MYH1: variants seen among roughly 807,000 people sequenced by gnomAD.
MYH1 encodes myosin heavy chain 1, also known as myosin-1.
A neutral mutation model predicts 225.6 loss-of-function variants in MYH1; 214 were observed. The ratio of observed to expected loss-of-function variants is 0.95; its 90% CI spans 0.85 to 1.06. The LOEUF is 1.06. MYH1 is among the 50% of genes least tolerant of loss of function. The probability of loss-of-function intolerance (pLI) is 0.00; values close to 1 mark genes in which losing one functional copy is unlikely to be tolerated. For missense variants in MYH1, 2,098 were observed against 2,344.2 expected (o/e 0.89, Z 2.17); for synonymous variants, 774 against 842.3 (o/e 0.92, Z 1.40).
At chr17:10,505,748 C>T in intron 19 of MYH1, 64 bp downstream of exon 19, 1 of 1,594,372 alleles carries the variant, frequency 6.3e-7, no homozygotes, top group Non-Finnish European at 8.6e-7. Flanking sequence ...AGGATTCTTT[C>T]ATTGAAAAAT....
At chr17:10,508,007 T>G (rs757821952) in intron 16 of MYH1, 51 bp from the exon 17 acceptor site, 179 of 1,413,042 alleles carry the variant, frequency 1.3e-4, no homozygotes, top group East Asian at 7.1e-4. Flanking sequence ...TGGTTATGGT[T>G]TTTTTTTTTT....
In MYH1 at chr17:10,494,413, C is replaced by T. The variant is rs1262966974; in HGVS notation, c.5608G>A (p.Asp1870Asn). Reference sequence around the variant, plus strand: ...TTTGCTTGCAGTTTGTCCACCAGGTCCTGGAGCCTGAGAATATTCTTGCGG... The same window carrying T: ...TTTGCTTGCAGTTTGTCCACCAGGTTCTGGAGCCTGAGAATATTCTTGCGG... The part of the protein sequence containing the change: ...EDRKNILRLQ[D>N]LVDKLQAKVK... The change falls in exon 39 of 40, where the codon GAC becomes AAC. Residue 1870 changes from aspartate to asparagine, a missense_variant. Coordinates refer to ENST00000226207, the MANE Select transcript of MYH1 (RefSeq NM_005963.4). 6.8e-6 allele frequency: 11 copies of T among 1,614,024 alleles called. No homozygotes were observed. The South Asian group carries it at 1.1e-4, about 16-fold the overall frequency.
chr17:10,512,786 T>C lies in MYH1; in HGVS notation c.905-2A>G, dbSNP rs373496953. On this transcript the variant is annotated splice_acceptor_variant, in intron 10 of 39. Transcript: ENST00000226207. LOFTEE classifies it high-confidence loss of function. ...GGTTGGTGGTGATCAGGAGCATTTCTGGGTCACAGAATTCAGGGCATATGT... is the reference window on the plus strand; with the variant it reads ...GGTTGGTGGTGATCAGGAGCATTTCCGGGTCACAGAATTCAGGGCATATGT... The C allele has an allele frequency of 6.2e-6, 10 of 1,613,694 alleles. No homozygotes were observed. The highest frequency in any genetic ancestry group is 8.5e-6 in the Non-Finnish European group (10 of 1,179,704).
chr17:10,508,005 G>GTTTTTTTTTTTTTTTTTTTT, intron 16 of MYH1, 49 bp from the exon 17 acceptor site: 1 of 1,100,606 alleles, frequency 9.1e-7, no homozygotes, highest in Non-Finnish European at 1.3e-6. Flanking sequence ...TCTGGTTATG[G>GTTTTTTTTTTTTTTTTTTTT]TTTTTTTTTT....
rs1348174597 is a variant in MYH1, at chr17:10,506,081, T to G, written c.1987A>C (p.Met663Leu). The G allele has an allele frequency of 6.2e-7, 1 of 1,614,236 alleles. No individual in the cohort carries two copies. Among genetic ancestry groups the G allele is most frequent in the Non-Finnish European group, 8.5e-7 (1 of 1,180,034 alleles). Residue 663 changes from methionine to leucine, a missense_variant, in exon 18 of 40, where the codon ATG (methionine) becomes CTG (leucine). Physicochemically the swap from Met to Leu is conservative, Grantham distance 15. Transcript: ENST00000226207. ...GGGTGAGTGCTCCTCAAGTTGGTCATCAGCTTATTCAAATTCTCCTGTGGA... is the reference window on the plus strand; with the variant it reads ...GGGTGAGTGCTCCTCAAGTTGGTCAGCAGCTTATTCAAATTCTCCTGTGGA... The part of the protein sequence containing the change: ...ALFRENLNKL[M>L]TNLRSTHPHF...
chr17:10,507,885 C>G lies in MYH1; in HGVS notation c.1968+1G>C. ...TTAGACAGAGAAAATGAAGTTTGTA[C>G]CCTGAAGAGAGCAGACACAGTCTGG... is the stretch of plus-strand genomic sequence containing the variant. On this transcript the variant is annotated splice_donor_variant, in intron 17 of 39. Transcript: ENST00000226207. LOFTEE classifies it high-confidence loss of function. 7 of 1,611,856 alleles carry G rather than the reference C, an allele frequency of 4.3e-6. No individual in the cohort carries two copies. Among genetic ancestry groups the G allele is most frequent in the Non-Finnish European group, 5.9e-6 (7 of 1,178,152 alleles).
chr17:10,517,737 C>T (rs888857818), intron 2 of MYH1, among the ~76,000 whole-genome samples: 2 of 151,572 alleles, frequency 1.3e-5, no homozygotes, highest in Admixed American at 6.6e-5. Context: ...TGTATATATT[C>T]GTTAATTTTT....
Position 10,498,923 on chromosome 17 carries a change from G to C in MYH1, c.3984+51C>G, listed in dbSNP as rs200824001. 6.9e-6 allele frequency: 11 copies of C among 1,601,550 alleles called. No homozygotes were observed. In the Admixed American group the frequency reaches 1.9e-4, roughly 27 times the overall value. The stretch of plus-strand genomic sequence containing the variant: ...CAGAAGAAAGTCTGTAAAAGTAAGC[G>C]AAAAACAAATAACAAGAACAATAAT... On this transcript the variant is annotated intron_variant, in intron 29 of 39. Transcript: ENST00000226207.
At chr17:10,502,172 T>C (rs2142263853) in intron 24 of MYH1, among the ~76,000 whole-genome samples, 1 of 152,340 alleles carries the variant, frequency 6.6e-6, no homozygotes. Flanking sequence ...TGGAATCCAA[T>C]ACTTTTCCAG....
chr17:10,517,309 A>G (rs539693873), intron 2 of MYH1, among the ~76,000 whole-genome samples: 1 of 152,312 alleles, frequency 6.6e-6, no homozygotes, highest in East Asian at 1.9e-4. Flanking sequence ...TTTGTTTTGC[A>G]TTGTTAAAAA....
intron 33 of MYH1, among the ~76,000 whole-genome samples, chr17:10,496,835 G>A (rs2073000292): frequency 6.6e-6 from 1 of 152,122 alleles, no homozygotes; most frequent in African/African-American, 2.4e-5. Flanking sequence ...ATCTCCCTAG[G>A]TAGATTGTGC....
Position 10,504,974 on chromosome 17 carries a change from G to T in MYH1, c.2527C>A (p.Leu843Ile). 6.2e-7 allele frequency: 1 copy of T among 1,614,132 alleles called. No homozygotes were observed. Among genetic ancestry groups the T allele is most frequent in the Non-Finnish European group, 8.5e-7 (1 of 1,180,036 alleles). Reference protein sequence around the residue: ...WMKLYFKIKPLLKSAETEKEM... With the variant: ...WMKLYFKIKPILKSAETEKEM... ...TTCTCTGTCTCTGCACTTTTGAGGA[G>T]GGGTTTGATCTTGAAATACAGCTTC... Residue 843 changes from leucine (L) to isoleucine (I), a missense_variant, in exon 22 of 40, where the codon CTC becomes ATC. Transcript: ENST00000226207.
chr17:10,513,490 G>T, intron 9 of MYH1, 136 bp downstream of exon 9: 3 of 855,092 alleles, frequency 3.5e-6, no homozygotes, highest in Non-Finnish European at 5.7e-6. Context: ...CTATGGATAA[G>T]ACTGACATTA....
At chr17:10,515,894 T>C (rs778609363) in intron 5 of MYH1, 32 bp downstream of exon 5, 1 of 1,613,776 alleles carries the variant, frequency 6.2e-7, no homozygotes, top group Non-Finnish European at 8.5e-7. Context: ...GATGGTAAAA[T>C]AATTCATATG....
chr17:10,496,775 T>C (rs1255062641), intron 33 of MYH1, among the ~76,000 whole-genome samples: 1 of 152,256 alleles, frequency 6.6e-6, no homozygotes, highest in Non-Finnish European at 1.5e-5. Flanking sequence ...TTTGTTGTTT[T>C]AGACATTTCT....
chr17:10,496,252 C>T lies in MYH1; in HGVS notation c.4954G>A (p.Ala1652Thr). Reference protein sequence around the residue: ...EALRNYRNTQAILKDTQLHLD... With the variant: ...EALRNYRNTQTILKDTQLHLD... ...TTGGACATATTTACCTTGAGGATGG[C>T]TTGGGTGTTCCTATAGTTCCTCAGG... Residue 1652 changes from alanine to threonine, a missense_variant, in exon 34 of 40, where the codon GCC becomes ACC. Transcript: ENST00000226207. 6.2e-7 allele frequency: 1 copy of T among 1,614,104 alleles called. No individual in the cohort carries two copies. The highest frequency in any genetic ancestry group is 8.5e-7 in the Non-Finnish European group (1 of 1,180,016).
At chr17:10,508,018 G>GTTTTTTTTTTTTTTTT in intron 16 of MYH1, 62 bp from the exon 17 acceptor site, 1 of 1,172,470 alleles carries the variant, frequency 8.5e-7, no homozygotes, top group South Asian at 1.4e-5. Flanking sequence ...TTTTTTTTTT[G>GTTTTTTTTTTTTTTTT]TTTTTTTTTG....
Position 10,505,501 on chromosome 17 carries a change from A to G in MYH1, c.2185T>C (p.Leu729=), listed in dbSNP as rs1237102456. 1 of 1,614,114 alleles carries G rather than the reference A, an allele frequency of 6.2e-7. No individual in the cohort carries two copies. Among genetic ancestry groups the G allele is most frequent in the Non-Finnish European group, 8.5e-7 (1 of 1,180,012 alleles). Residue 729 remains leucine (L), a synonymous_variant, in exon 20 of 40, where the codon TTA becomes CTA. Transcript: ENST00000226207. ...YADFKQRYKV[L]NASAIPEGQF... ...CCTTCAGGGATAGCACTTGCATTTA[A>G]CACCTTGTATCTGTTTAAGCCAGAC...
At position 10,508,479 on chromosome 17, in the gene MYH1, G is replaced by C; in HGVS notation, c.1781C>G (p.Ala594Gly). Residue 594 changes from alanine to glycine, a missense_variant, in exon 16 of 40, where the codon GCC (alanine) becomes GGC (glycine). Physicochemically the swap from Ala to Gly is moderately conservative, Grantham distance 60. Coordinates refer to ENST00000226207, the MANE Select transcript of MYH1 (RefSeq NM_005963.4). ...HYAGTVDYNI[A>G]GWLDKNKDPL... ...GTCCTTGTTCTTGTCAAGCCAGCCG[G>C]CAATGTTGTAGTCCACGGTGCCAGC... 6.2e-7 allele frequency: 1 copy of C among 1,614,154 alleles called. No homozygotes were observed.
Sources: allele counts gnomAD v4.1 joint callset (sites outside exome capture counted in the v4.1 genomes callset), GRCh38; gene constraint gnomAD v4.1.1; transcripts MANE v1.5; gene names NCBI Gene and HGNC (gene_info 2026-07-23, HGNC 2026-07-21).